The following IGFBP3 variants were observed in gnomAD, a reference collection of about 807,000 sequenced individuals.
IGFBP3 encodes the protein insulin-like growth factor-binding protein 3.
Under a neutral mutation model 28.6 loss-of-function variants are expected in IGFBP3, and 9 were observed. The observed-to-expected ratio is 0.31, with a 90% CI of 0.19 to 0.55. The LOEUF is 0.55. Ranked by LOEUF, IGFBP3 falls within the 20% of genes least tolerant of loss-of-function variation. IGFBP3 has a pLI of 0.93. For synonymous variants in IGFBP3, 185 were observed against 188.2 expected (o/e 0.98, Z 0.14); for missense variants, 382 against 428.9 (o/e 0.89, Z 0.97).
At chr7:45,915,209 G>A in intron 3 of IGFBP3, 1 of 415,484 alleles carries the variant, frequency 2.4e-6, no homozygotes, top group South Asian at 2.5e-5. Context: ...GTGGACACCA[G>A]CCCTTGTAGA....
chr7:45,917,390 G>C lies in IGFBP3; in HGVS notation c.453C>G (p.Ser151Arg). ...CCCGGTGCGTGCTGGAGACGGACGG[G>C]CTCTCCACACTGCCGGCGCTGCGGT... ...EEDRSAGSVE[S>R]PSVSSTHRVS... is the part of the protein sequence containing the mutation. Residue 151 changes from serine (S) to arginine (R), a missense_variant, in exon 2 of 5, where the codon AGC becomes AGG. Transcript: ENST00000613132. The C allele has an allele frequency of 6.2e-7, 1 of 1,613,904 alleles. No homozygotes were observed. The highest frequency in any genetic ancestry group is 8.5e-7 in the Non-Finnish European group (1 of 1,179,968).
At position 45,912,818 on chromosome 7, in the gene IGFBP3, T is replaced by A. The variant is rs1283840994; in HGVS notation, c.*1032A>T. The A allele has an allele frequency of 1.3e-5, 2 of 152,168 alleles. No individual in the cohort carries two copies. The highest frequency in any genetic ancestry group is 2.9e-5 in the Non-Finnish European group (2 of 68,048). 9.4% of individuals were successfully genotyped at this position (152,168 alleles called of 1,614,324 possible). ...TCTAAGTTCAACAAACATGGGTGAA[T>A]CTCTATGTGCTCCCAGTGTCCTGGA... On this transcript the variant is annotated 3_prime_UTR_variant, in exon 5 of 5. Coordinates refer to ENST00000613132, the MANE Select transcript of IGFBP3 (RefSeq NM_000598.5).
intron 1 of IGFBP3, chr7:45,919,944 G>T (rs1394752412): frequency 6.7e-6 from 1 of 149,922 alleles, no homozygotes; most frequent in Non-Finnish European, 1.5e-5. Context: ...GATTAAGAAG[G>T]GAGACAGCCC....
intron 1 of IGFBP3, 90 bp downstream of exon 1, chr7:45,920,648 G>T: frequency 8.5e-7 from 1 of 1,182,740 alleles, no homozygotes; most frequent in Non-Finnish European, 1.1e-6. Flanking sequence ...GAAAAGCGGA[G>T]TCTCCCGCAG....
Position 45,920,893 on chromosome 7 carries a change from A to G in IGFBP3, c.248T>C (p.Ile83Thr), listed in dbSNP as rs1413048860. 1.4e-6 allele frequency: 2 copies of G among 1,436,438 alleles called. No homozygotes were observed. The highest frequency in any genetic ancestry group is 1.5e-5 in the African/African-American group (1 of 67,040). 89.0% of individuals were successfully genotyped at this position (1,436,438 alleles called of 1,614,324 possible). ...GCCGGAGCCACAGCGCTCGGTGTAG[A>G]TGCCGCACGGCTGGCCCTCGCTCAG... ...CALSEGQPCGIYTERCGSGLR... is the reference protein window; with the variant it reads ...CALSEGQPCGTYTERCGSGLR... Residue 83 changes from isoleucine (I) to threonine (T), a missense_variant, in exon 1 of 5, where the codon ATC (isoleucine) becomes ACC (threonine). By Grantham distance (89) the Ile-to-Thr change is moderately conservative. Coordinates refer to ENST00000613132, the MANE Select transcript of IGFBP3 (RefSeq NM_000598.5).
rs2116578415 is a variant in IGFBP3, at chr7:45,917,288, G to A, written c.555C>T (p.Arg185=). The A allele has an allele frequency of 6.2e-7, 1 of 1,614,094 alleles. No individual in the cohort carries two copies. Among genetic ancestry groups the A allele is most frequent in the Non-Finnish European group, 8.5e-7 (1 of 1,180,024 alleles). ...IKKGHAKDSQ[R]YKVDYESQST... ...TCTGAGACTCGTAGTCAACTTTGTA[G>A]CGCTGGCTGTCTTTAGCATGCCCTT... Residue 185 remains arginine, a synonymous_variant, in exon 2 of 5, where the codon CGC becomes CGT. Transcript: ENST00000613132.
In IGFBP3 at chr7:45,921,235, C is replaced by T. The variant is rs902046806; in HGVS notation, c.-95G>A. 4 of 1,386,278 alleles carry T rather than the reference C, an allele frequency of 2.9e-6. No homozygotes were observed. The East Asian group carries it at 8.3e-5, about 29-fold the overall frequency. The allele number at this position is 1,386,278 out of a possible 1,614,324, so 85.9% of individuals were successfully genotyped here. ...GAAGCTGTGGAATCCAGGCAGGAAG[C>T]GGCTGATCCTCAGCGCCCAGCCGCA... is the stretch of plus-strand genomic sequence containing the variant. On this transcript the variant is annotated 5_prime_UTR_variant, in exon 1 of 5. Transcript: ENST00000613132.
At chr7:45,914,718 A>G in intron 4 of IGFBP3, 87 bp downstream of exon 4, 1 of 1,315,796 alleles carries the variant, frequency 7.6e-7, no homozygotes. Flanking sequence ...AAGCCTGGGG[A>G]AGGGCCAGTG....
intron 2 of IGFBP3, 75 bp from the exon 3 acceptor site, chr7:45,916,742 T>C: frequency 2.0e-6 from 3 of 1,519,110 alleles, no homozygotes; most frequent in Admixed American, 3.4e-5. Context: ...AATCTTACGA[T>C]GCTGCACAAC....
At position 45,912,453 on chromosome 7, in the gene IGFBP3, A is replaced by G. The variant is rs1784556926; in HGVS notation, c.*1397T>C. 1 of 152,170 alleles carries G rather than the reference A, an allele frequency of 6.6e-6. No individual in the cohort carries two copies. The highest frequency in any genetic ancestry group is 6.5e-5 in the Admixed American group (1 of 15,276). 9.4% of individuals were successfully genotyped at this position (152,170 alleles called of 1,614,324 possible). ...CCAAAAAGTTAAAAAAATAAAGAAA[A>G]GCTAATAGGTAGGCAGAATGTCTTG... On this transcript the variant is annotated 3_prime_UTR_variant, in exon 5 of 5. Coordinates refer to ENST00000613132, the MANE Select transcript of IGFBP3 (RefSeq NM_000598.5).
At position 45,920,497 on chromosome 7, in the gene IGFBP3, G is replaced by A. The variant is rs6950802; in HGVS notation, c.403+241C>T. ...CGGAAACCTTTAACCCATTTTCACT[G>A]AAAGCGCTTTGCAATTTACAAGTAC... On this transcript the variant is annotated intron_variant, in intron 1 of 4. Coordinates refer to ENST00000613132, the MANE Select transcript of IGFBP3 (RefSeq NM_000598.5). The A allele has an allele frequency of 4.8e-3, 1,899 of 397,418 alleles. 29 individuals carry two copies. The highest frequency in any genetic ancestry group is 0.035 in the African/African-American group (1,675 of 48,288). The allele number at this position is 397,418 out of a possible 1,614,324, so 24.6% of individuals were successfully genotyped here. A position where few individuals can be genotyped will look rare whatever the true frequency, so the allele number is the denominator to read the frequency against.
chr7:45,921,032 C>A lies in IGFBP3; in HGVS notation c.109G>T (p.Val37Leu). 1 of 1,431,596 alleles carries A rather than the reference C, an allele frequency of 7.0e-7. No homozygotes were observed. 88.7% of individuals were successfully genotyped at this position (1,431,596 alleles called of 1,614,324 possible). A position where few individuals can be genotyped will look rare whatever the true frequency, so the allele number is the denominator to read the frequency against. ...AGASSAGLGP[V>L]VRCEPCDARA... Reference sequence around the variant, plus strand: ...GCGTCGCACGGCTCGCAGCGCACCACGGGACCCAAGCCCGCCGAGCTCGCG... The same window carrying A: ...GCGTCGCACGGCTCGCAGCGCACCAAGGGACCCAAGCCCGCCGAGCTCGCG... The change falls in exon 1 of 5, where the codon GTG (valine) becomes TTG (leucine). Residue 37 changes from valine to leucine, a missense_variant. Physicochemically the swap from Val to Leu is conservative, Grantham distance 32 (BLOSUM62 1). Transcript: ENST00000613132.
intron 3 of IGFBP3, among the ~76,000 whole-genome samples, chr7:45,915,958 G>A (rs1784603576): frequency 2.0e-5 from 3 of 152,196 alleles, no homozygotes; most frequent in Admixed American, 2.0e-4. Context: ...AGCTGGCCAT[G>A]CTGCAGTCAT....
In IGFBP3 at chr7:45,913,100, C is replaced by G. The variant is rs984209533; in HGVS notation, c.*750G>C. On this transcript the variant is annotated 3_prime_UTR_variant, in exon 5 of 5. Transcript: ENST00000613132. ...CCCTGTCTCTCTGTCCCTCCTACCC[C>G]ACGGGGCCGCAGCAAAAGCCATCCT... The G allele has an allele frequency of 6.6e-6, 1 of 152,178 alleles. No homozygotes were observed. The highest frequency in any genetic ancestry group is 1.9e-4 in the East Asian group (1 of 5,166). The allele number at this position is 152,178 out of a possible 1,614,324, so 9.4% of individuals were successfully genotyped here.
chr7:45,920,932 C>T lies in IGFBP3; in HGVS notation c.209G>A (p.Cys70Tyr), dbSNP rs1337866627. The change falls in exon 1 of 5, where the codon TGC becomes TAC. Residue 70 changes from cysteine to tyrosine, a missense_variant. Cys to Tyr is a radical substitution (Grantham distance 194, BLOSUM62 -2). Transcript: ENST00000613132. ...GCCCTCGCTCAGTGCGCACGTCAGG[C>T]AGCAGCCGCAGCCCGGCTCGCGCAC... ...ELVREPGCGCCLTCALSEGQP... is the reference protein window; with the variant it reads ...ELVREPGCGCYLTCALSEGQP... The T allele has an allele frequency of 7.1e-7, 1 of 1,405,852 alleles. No individual in the cohort carries two copies. The allele number at this position is 1,405,852 out of a possible 1,614,324, so 87.1% of individuals were successfully genotyped here. A position where few individuals can be genotyped will look rare whatever the true frequency, so the allele number is the denominator to read the frequency against.
Position 45,921,012 on chromosome 7 carries a change from G to A in IGFBP3, c.129C>T (p.Cys43=), listed in dbSNP as rs1371932021. ...CGCACTGGGCCAGTGCACGCGCGTCGCACGGCTCGCAGCGCACCACGGGAC... is the reference window on the plus strand; with the variant it reads ...CGCACTGGGCCAGTGCACGCGCGTCACACGGCTCGCAGCGCACCACGGGAC... ...GLGPVVRCEP[C]DARALAQCAP... The change falls in exon 1 of 5, where the codon TGC becomes TGT. Residue 43 remains cysteine (C), a synonymous_variant. Transcript: ENST00000613132. 1 of 1,393,746 alleles carries A rather than the reference G, an allele frequency of 7.2e-7. No individual in the cohort carries two copies. The highest frequency in any genetic ancestry group is 9.2e-7 in the Non-Finnish European group (1 of 1,082,724). 86.3% of individuals were successfully genotyped at this position (1,393,746 alleles called of 1,614,324 possible).
chr7:45,914,768 G>T (rs1406970550), intron 4 of IGFBP3, 37 bp downstream of exon 4: 3 of 1,601,522 alleles, frequency 1.9e-6, no homozygotes, highest in African/African-American at 2.7e-5. Context: ...GGACAGTGAG[G>T]CCCTGGAGCC....
intron 1 of IGFBP3, 69 bp downstream of exon 1, chr7:45,920,669 C>A: frequency 7.8e-7 from 1 of 1,275,910 alleles, no homozygotes. Context: ...CGGCACCCAG[C>A]AACCCCCAGG....
Position 45,921,207 on chromosome 7 carries a change from C to T in IGFBP3, c.-67G>A. On this transcript the variant is annotated 5_prime_UTR_variant, in exon 1 of 5. Transcript: ENST00000613132. Reference sequence around the variant, plus strand: ...GCAGGGATGGGGCGACAGTACACGGCGCGAAGCTGTGGAATCCAGGCAGGA... The same window carrying T: ...GCAGGGATGGGGCGACAGTACACGGTGCGAAGCTGTGGAATCCAGGCAGGA... 2.7e-6 allele frequency: 4 copies of T among 1,476,412 alleles called. No individual in the cohort carries two copies. Among genetic ancestry groups the T allele is most frequent in the South Asian group, 1.2e-5 (1 of 82,180 alleles). 91.5% of individuals were successfully genotyped at this position (1,476,412 alleles called of 1,614,324 possible).
Sources: allele counts gnomAD v4.1 joint callset (sites outside exome capture counted in the v4.1 genomes callset), GRCh38; gene constraint gnomAD v4.1.1; transcripts MANE v1.5; gene names NCBI Gene and HGNC (gene_info 2026-07-23, HGNC 2026-07-21).